BNC2: variants seen among roughly 807,000 people sequenced by gnomAD.
BNC2 encodes zinc finger protein basonuclin-2.
In BNC2, 20 loss-of-function variants were observed where a neutral mutation model predicts 76.3. The observed-to-expected ratio is 0.26, with a 90% CI of 0.18 to 0.38. The LOEUF (loss-of-function observed/expected upper bound fraction) is 0.38, where lower values mean the gene tolerates loss of function less well. Among genes scored for constraint, BNC2 ranks in the 10% least tolerant of loss-of-function variants. The pLI, the probability that BNC2 is intolerant of heterozygous loss-of-function variation, is 1.00. For missense variants in BNC2, 1,382 were observed against 1,399.8 expected, an observed-to-expected ratio of 0.99 and a Z score of 0.20; for synonymous variants, 582 against 514.8, an observed-to-expected ratio of 1.13 and a Z score of -1.77.
chr9:16,500,640 T>G (rs562619735), intron 5 of BNC2, among the ~76,000 whole-genome samples: 5 of 152,188 alleles, frequency 3.3e-5, no homozygotes, highest in Non-Finnish European at 7.3e-5. Flanking sequence ...CTTGCAAATT[T>G]TGGCCAAAGA....
At chr9:16,809,050 C>A (rs1252462062) in intron 1 of BNC2, among the ~76,000 whole-genome samples, 1 of 152,196 alleles carries the variant, frequency 6.6e-6, no homozygotes, top group African/African-American at 2.4e-5. Context: ...AGGCACAACA[C>A]TGGTTCCCAG....
chr9:16,696,367 T>C (rs944685516), intron 3 of BNC2, among the ~76,000 whole-genome samples: 2 of 152,212 alleles, frequency 1.3e-5, no homozygotes, highest in African/African-American at 2.4e-5. Flanking sequence ...GCATACTGAT[T>C]TGGACTTTCC....
intron 1 of BNC2, among the ~76,000 whole-genome samples, chr9:16,742,601 T>C (rs1824883792): frequency 6.6e-6 from 1 of 152,176 alleles, no homozygotes; most frequent in African/African-American, 2.4e-5. Flanking sequence ...AAGACCACTG[T>C]CTAAGTGACC....
intron 1 of BNC2, among the ~76,000 whole-genome samples, chr9:16,817,851 T>C (rs1818221645): frequency 6.6e-6 from 1 of 152,174 alleles, no homozygotes; most frequent in Non-Finnish European, 1.5e-5. Flanking sequence ...GTCTTGAAAT[T>C]TGATTTACTT....
intron 1 of BNC2, among the ~76,000 whole-genome samples, chr9:16,786,530 A>C (rs1826298317): frequency 6.6e-6 from 1 of 152,200 alleles, no homozygotes; most frequent in South Asian, 2.1e-4. Context: ...TTTATCCCCC[A>C]AACTGTGGCT....
At chr9:16,670,904 G>T (rs1822456861) in intron 3 of BNC2, among the ~76,000 whole-genome samples, 1 of 152,148 alleles carries the variant, frequency 6.6e-6, no homozygotes, top group South Asian at 2.1e-4. Flanking sequence ...CTAGCCGCAT[G>T]AACCAACTTC....
intron 1 of BNC2, among the ~76,000 whole-genome samples, chr9:16,755,648 C>A (rs1278136206): frequency 6.6e-6 from 1 of 152,068 alleles, no homozygotes; most frequent in Non-Finnish European, 1.5e-5. Context: ...TAGCCTAGAT[C>A]TCCCTTCTCC....
intron 1 of BNC2, among the ~76,000 whole-genome samples, chr9:16,792,033 C>T (rs1268845271): frequency 2.7e-5 from 4 of 148,938 alleles, no homozygotes; most frequent in Non-Finnish European, 4.4e-5. Context: ...GCCCAGGAGA[C>T]GGAAGTTGCA....
At chr9:16,586,899 T>C (rs549686000) in intron 3 of BNC2, among the ~76,000 whole-genome samples, 2 of 152,290 alleles carry the variant, frequency 1.3e-5, no homozygotes, top group Admixed American at 1.3e-4. Context: ...CTATGCATTA[T>C]TCCTCCTCTA....
intron 3 of BNC2, among the ~76,000 whole-genome samples, chr9:16,621,515 T>C (rs189578426): frequency 6.6e-6 from 1 of 152,330 alleles, no homozygotes; most frequent in Admixed American, 6.5e-5. Context: ...TCTAGAGCAA[T>C]GTGCTTCTAT....
chr9:16,619,696 A>G (rs1820809778), intron 3 of BNC2, among the ~76,000 whole-genome samples: 1 of 152,166 alleles, frequency 6.6e-6, no homozygotes, highest in Non-Finnish European at 1.5e-5. Context: ...AATACTTTTG[A>G]CTTACCAGAG....
At chr9:16,503,614 G>A (rs546197483) in intron 5 of BNC2, among the ~76,000 whole-genome samples, 1 of 152,222 alleles carries the variant, frequency 6.6e-6, no homozygotes, top group East Asian at 1.9e-4. Flanking sequence ...ATGGGGTCAA[G>A]CAGTCTCTCA....
intron 3 of BNC2, among the ~76,000 whole-genome samples, chr9:16,716,440 A>C (rs1282360382): frequency 6.6e-6 from 1 of 152,178 alleles, no homozygotes; most frequent in Non-Finnish European, 1.5e-5. Flanking sequence ...GTCACCATGC[A>C]CTTCTTTATA....
intron 5 of BNC2, among the ~76,000 whole-genome samples, chr9:16,485,178 C>G (rs549518623): frequency 6.6e-6 from 1 of 152,104 alleles, no homozygotes; most frequent in Non-Finnish European, 1.5e-5. Context: ...TTAGTTTTCA[C>G]TGAGTGAACG....
At chr9:16,869,187 G>C (rs1015483347) in intron 1 of BNC2, among the ~76,000 whole-genome samples, 1 of 150,530 alleles carries the variant, frequency 6.6e-6, no homozygotes, top group Admixed American at 6.7e-5. Context: ...CTTAAACACG[G>C]CTTTCAACAA....
rs564878416 is a variant in BNC2 at position 16,553,908 on chromosome 9, C to G, written c.434-1143G>C. Among the ~76,000 whole-genome samples the G allele has an allele frequency of 2.0e-5, 3 of 152,244 alleles. No homozygotes were observed. The South Asian group carries it at 6.2e-4, about 32-fold the overall frequency. On this transcript the variant is annotated intron_variant, in intron 4 of 6. Transcript: ENST00000380672. ...AGTGAGATAACGAGTGAGAGGCACT[C>G]TAAACTCCTTAAGAGAACACAAAAG...
chr9:16,678,469 C>T (rs559883500), intron 3 of BNC2, among the ~76,000 whole-genome samples: 131 of 151,550 alleles, frequency 8.6e-4, no homozygotes, highest in African/African-American at 2.9e-3. Flanking sequence ...CAGGGTTTCA[C>T]CATGTTGCCC....
chr9:16,550,199 T>C (rs1284417582), intron 5 of BNC2, among the ~76,000 whole-genome samples: 1 of 152,192 alleles, frequency 6.6e-6, no homozygotes, highest in Non-Finnish European at 1.5e-5. Flanking sequence ...ATGTGGCCCA[T>C]GAAGGCTCTG....
At chr9:16,497,535 A>G (rs1319795967) in intron 5 of BNC2, among the ~76,000 whole-genome samples, 1 of 152,192 alleles carries the variant, frequency 6.6e-6, no homozygotes, top group African/African-American at 2.4e-5. Flanking sequence ...CCTAAATAAC[A>G]AAACAGAAAT....
Sources: gnomAD v4.1 joint callset for allele counts (sites outside exome capture counted in the v4.1 genomes callset) on GRCh38, gnomAD v4.1.1 for gene constraint, MANE v1.5 for transcripts, NCBI Gene and HGNC (gene_info 2026-07-23, HGNC 2026-07-21) for gene names.